Variants in TCERG1L observed in about 807,000 individuals in gnomAD.
TCERG1L encodes transcription elongation regulator 1-like protein.
In TCERG1L, 37 loss-of-function variants were observed where a neutral mutation model predicts 56.3. The observed-to-expected ratio is 0.66, with a 90% CI of 0.51 to 0.87. The LOEUF is 0.87. TCERG1L is among the 40% of genes least tolerant of loss of function. TCERG1L has a pLI of 0.00. For missense variants in TCERG1L, 799 were observed against 774.2 expected (o/e 1.03, Z -0.38); for synonymous variants, 324 against 326.3 (o/e 0.99, Z 0.08).
chr10:131,286,665 T>A (rs993409500), intron 3 of TCERG1L, among the ~76,000 whole-genome samples: 1 of 152,250 alleles, frequency 6.6e-6, no homozygotes, highest in African/African-American at 2.4e-5. Flanking sequence ...ATGGATCCTT[T>A]AGCTATTCTC....
chr10:131,277,102 G>A (rs1846401192), intron 3 of TCERG1L, among the ~76,000 whole-genome samples: 1 of 152,182 alleles, frequency 6.6e-6, no homozygotes, highest in South Asian at 2.1e-4. Context: ...CAAGGCATTG[G>A]TGGGGACTGA....
chr10:131,093,931 C>T (rs960080518), intron 11 of TCERG1L, among the ~76,000 whole-genome samples: 1 of 152,176 alleles, frequency 6.6e-6, no homozygotes, highest in Admixed American at 6.5e-5. Context: ...CTTCGTTCTC[C>T]AATAAATGCC....
At chr10:131,143,673 G>A (rs1362361122) in intron 7 of TCERG1L, among the ~76,000 whole-genome samples, 3 of 152,260 alleles carry the variant, frequency 2.0e-5, no homozygotes, top group South Asian at 2.1e-4. Flanking sequence ...CCTGGGAAAC[G>A]CGGGCACGGG....
At chr10:131,288,692 T>C (rs999898247) in intron 3 of TCERG1L, among the ~76,000 whole-genome samples, 1 of 152,102 alleles carries the variant, frequency 6.6e-6, no homozygotes, top group Non-Finnish European at 1.5e-5. Flanking sequence ...GAGAGGGCCT[T>C]ACATCCAAAG....
At chr10:131,236,861 G>C (rs960687978) in intron 4 of TCERG1L, among the ~76,000 whole-genome samples, 4 of 151,950 alleles carry the variant, frequency 2.6e-5, no homozygotes, top group Non-Finnish European at 5.9e-5. Context: ...TCTGAGAATG[G>C]ACCATCCACT....
In TCERG1L at chr10:131,260,335, G is replaced by A; in HGVS notation, c.780C>T (p.Ser260=). 6.8e-7 allele frequency: 1 copy of A among 1,474,214 alleles called. No homozygotes were observed. The highest frequency in any genetic ancestry group is 8.9e-7 in the Non-Finnish European group (1 of 1,119,374). 91.3% of individuals were successfully genotyped at this position (1,474,214 alleles called of 1,614,324 possible). A position where few individuals can be genotyped will look rare whatever the true frequency, so the allele number is the denominator to read the frequency against. Residue 260 remains serine, a synonymous_variant, in exon 4 of 12, where the codon TCC becomes TCT. Coordinates refer to ENST00000368642, the MANE Select transcript of TCERG1L (RefSeq NM_174937.4). This position sits in a 1 kb window ranked among gnomAD's most constrained non-coding sequence, Gnocchi z 5.8. ...AGTGGCGCGGCTGCACGCTGGAGGG[G>A]GACGGGCCCCGGAGGTTCTCAGGGT... is the stretch of plus-strand genomic sequence containing the variant. ...SVDPENLRGP[S]PSSVQPRHFL...
chr10:131,156,804 C>T (rs1056337373), intron 6 of TCERG1L, among the ~76,000 whole-genome samples: 1 of 152,134 alleles, frequency 6.6e-6, no homozygotes, highest in African/African-American at 2.4e-5. Context: ...CACGTGCACC[C>T]CCTTAGAGTT....
At position 131,103,025 on chromosome 10, in the gene TCERG1L, G is replaced by A. The variant is rs115403170; in HGVS notation, c.1485+1240C>T. Among the ~76,000 whole-genome samples the A allele has an allele frequency of 1.7e-3, 261 of 152,024 alleles. No individual in the cohort carries two copies. Among genetic ancestry groups the A allele is most frequent in the African/African-American group, 4.8e-3 (201 of 41,482 alleles). On this transcript the variant is annotated intron_variant, in intron 10 of 11. Transcript: ENST00000368642. The surrounding 1 kb of genome is among the most constrained non-coding windows in gnomAD (Gnocchi z 4.3). ...CGGAGAACCCCCTCTAATCAATTCCGTGTTTTCTGGGTGGCGTTTTGTAGA... is the reference window on the plus strand; with the variant it reads ...CGGAGAACCCCCTCTAATCAATTCCATGTTTTCTGGGTGGCGTTTTGTAGA...
chr10:131,202,185 G>A (rs540759881), intron 4 of TCERG1L, among the ~76,000 whole-genome samples: 7 of 152,306 alleles, frequency 4.6e-5, no homozygotes, highest in South Asian at 2.1e-4. Context: ...GAACGTACAC[G>A]CTCAACTGAT....
chr10:131,214,207 C>T (rs1365164773), intron 4 of TCERG1L, among the ~76,000 whole-genome samples: 1 of 152,078 alleles, frequency 6.6e-6, no homozygotes, highest in African/African-American at 2.4e-5. Flanking sequence ...GGTGAGGCTC[C>T]CTGGGAAGCT....
chr10:131,308,612 G>A (rs1007777081), intron 2 of TCERG1L, among the ~76,000 whole-genome samples: 3 of 152,118 alleles, frequency 2.0e-5, no homozygotes, highest in African/African-American at 7.2e-5. Context: ...TTCAACTATT[G>A]ACTTGGTCAC....
chr10:131,117,722 C>T (rs781499988), intron 8 of TCERG1L, among the ~76,000 whole-genome samples: 4 of 152,220 alleles, frequency 2.6e-5, no homozygotes, highest in Non-Finnish European at 5.9e-5. Context: ...GGAGGCTGGA[C>T]CCTACTCCTA....
intron 8 of TCERG1L, among the ~76,000 whole-genome samples, chr10:131,124,415 G>C (rs555169559): frequency 6.6e-6 from 1 of 152,156 alleles, no homozygotes; most frequent in Non-Finnish European, 1.5e-5. Context: ...CTTGCCCTTC[G>C]GAGCGATGCT....
In TCERG1L at chr10:131,308,160, T is replaced by C. The variant is rs2133588438; in HGVS notation, c.670+51A>G. On this transcript the variant is annotated intron_variant, in intron 3 of 11. Coordinates refer to ENST00000368642, the MANE Select transcript of TCERG1L (RefSeq NM_174937.4). ...GGTTTTCATATCTAAAACTAATTTA[T>C]GATTGAAGCAAAAATGAAACAGACA... The C allele has an allele frequency of 2.0e-6, 3 of 1,504,890 alleles. No individual in the cohort carries two copies. The South Asian group carries it at 3.9e-5, about 19-fold the overall frequency. The allele number at this position is 1,504,890 out of a possible 1,614,324, so 93.2% of individuals were successfully genotyped here.
At chr10:131,233,176 C>A (rs760159975) in intron 4 of TCERG1L, among the ~76,000 whole-genome samples, 1 of 152,120 alleles carries the variant, frequency 6.6e-6, no homozygotes, top group East Asian at 1.9e-4. Context: ...TCTTACCACA[C>A]CTGTTTTAGT....
At chr10:131,197,951 C>A (rs1361466296) in intron 4 of TCERG1L, among the ~76,000 whole-genome samples, 4 of 152,210 alleles carry the variant, frequency 2.6e-5, no homozygotes, top group Non-Finnish European at 5.9e-5. Flanking sequence ...TGTCAAACAT[C>A]TCTGCATACA....
At position 131,196,523 on chromosome 10, in the gene TCERG1L, C is replaced by T. The variant is rs145196152; in HGVS notation, c.857-29638G>A. ...AACCTCGATGTGCAGGTGCTCCTCT[C>T]CTCCTCCAGTCTCTACCACTGCATG... On this transcript the variant is annotated intron_variant, in intron 4 of 11. Transcript: ENST00000368642. Among the ~76,000 whole-genome samples, 49 of 152,346 alleles carry T rather than the reference C, an allele frequency of 3.2e-4. No individual in the cohort carries two copies. In the East Asian group the frequency reaches 6.6e-3, roughly 20 times the overall value.
At chr10:131,204,980 C>T (rs1845500977) in intron 4 of TCERG1L, among the ~76,000 whole-genome samples, 1 of 152,082 alleles carries the variant, frequency 6.6e-6, no homozygotes, top group Non-Finnish European at 1.5e-5. Context: ...GGTCTAAGGC[C>T]CCTGTCCCTG....
At chr10:131,262,422 T>C (rs929901700) in intron 3 of TCERG1L, among the ~76,000 whole-genome samples, 2 of 152,232 alleles carry the variant, frequency 1.3e-5, no homozygotes, top group African/African-American at 2.4e-5. Context: ...CATATCTAGA[T>C]GGCAGAATTA....
Sources: gnomAD v4.1 joint callset for allele counts (sites outside exome capture counted in the v4.1 genomes callset) on GRCh38, gnomAD v4.1.1 for gene constraint, Gnocchi (gnomAD v3.1) non-coding constraint, MANE v1.5 for transcripts, NCBI Gene and HGNC (gene_info 2026-07-23, HGNC 2026-07-21) for gene names.